PGM2: variants seen among roughly 807,000 people sequenced by gnomAD.
The protein encoded by PGM2 is phosphoglucomutase 2, also known as phosphopentomutase.
A neutral mutation model predicts 74.6 loss-of-function variants in PGM2; 57 were observed. The ratio of observed to expected loss-of-function variants is 0.76; its 90% CI spans 0.62 to 0.95. PGM2 has a LOEUF of 0.95. Ranked by LOEUF, PGM2 falls within the 40% of genes least tolerant of loss-of-function variation. PGM2 has a pLI of 0.00. For synonymous variants in PGM2, 273 were observed against 260.7 expected, an observed-to-expected ratio of 1.05 and a Z score of -0.46; for missense variants, 706 against 741.9, an observed-to-expected ratio of 0.95 and a Z score of 0.56.
rs1711787260 is a variant in PGM2, at chr4:37,861,818, A to G, written c.*206A>G. ...CCCAACAAACTAACATTCCTACTAA[A>G]AAGTTGAGCTTGGACATATTTTGAA... On this transcript the variant is annotated 3_prime_UTR_variant, in exon 14 of 14. Transcript: ENST00000381967. 2 of 429,816 alleles carry G rather than the reference A, an allele frequency of 4.7e-6. No homozygotes were observed. The highest frequency in any genetic ancestry group is 3.5e-5 in the Admixed American group (1 of 28,288). 26.6% of individuals were successfully genotyped at this position (429,816 alleles called of 1,614,324 possible).
In PGM2 at chr4:37,834,700, C is replaced by T. The variant is rs1725521492; in HGVS notation, c.332C>T (p.Pro111Leu). 2 of 1,540,228 alleles carry T rather than the reference C, an allele frequency of 1.3e-6. No individual in the cohort carries two copies. The highest frequency in any genetic ancestry group is 1.4e-5 in the African/African-American group (1 of 72,730). ...ATCAGTTTTGACGCCCGAGCTCATC[C>T]ATCCAGTGGGGGTAGCAGCAGAAGG... ...IVISFDARAHPSSGGSSRRFA... is the reference protein window; with the variant it reads ...IVISFDARAHLSSGGSSRRFA... The change falls in exon 3 of 14, where the codon CCA becomes CTA. Residue 111 changes from proline (P) to leucine (L), a missense_variant. Around this residue, in one of 3 missense-constraint regions of PGM2, gnomAD observed 332 missense variants for 334.9 expected, o/e 0.99. Coordinates refer to ENST00000381967, the MANE Select transcript of PGM2 (RefSeq NM_018290.4).
intron 3 of PGM2, 113 bp from the exon 4 acceptor site, chr4:37,837,416 T>C: frequency 1.3e-6 from 1 of 761,086 alleles, no homozygotes; most frequent in Non-Finnish European, 2.4e-6. Context: ...CTGTCCTTGA[T>C]CTGGATGCTG....
chr4:37,833,361 G>T (rs1394333192), intron 2 of PGM2, among the ~76,000 whole-genome samples: 1 of 152,130 alleles, frequency 6.6e-6, no homozygotes, highest in African/African-American at 2.4e-5. Context: ...ATTGAAACCA[G>T]CCTGGGCAAT....
chr4:37,841,158 TTGTGTGTG>T (rs34512739), intron 6 of PGM2, among the ~76,000 whole-genome samples: 3 of 101,456 alleles, frequency 3.0e-5, no homozygotes, highest in Admixed American at 1.0e-4. Flanking sequence ...ATAGGAATAT[TTGTGTGTG>T]TGTGTGTGTG....
At chr4:37,840,927 C>A (rs1236209825) in intron 6 of PGM2, among the ~76,000 whole-genome samples, 2 of 147,468 alleles carry the variant, frequency 1.4e-5, no homozygotes, top group African/African-American at 4.9e-5. Context: ...GTATGTGATT[C>A]ATACATATTC....
At chr4:37,853,754 TG>T (rs1344617412) in intron 12 of PGM2, among the ~76,000 whole-genome samples, 1 of 152,142 alleles carries the variant, frequency 6.6e-6, no homozygotes, top group Non-Finnish European at 1.5e-5. Flanking sequence ...GGGGCGGAGC[TG>T]GGGGTGTCAG....
Position 37,834,649 on chromosome 4 carries a change from G to C in PGM2, c.281G>C (p.Ser94Thr). 1.9e-6 allele frequency: 3 copies of C among 1,596,618 alleles called. No homozygotes were observed. The highest frequency in any genetic ancestry group is 2.6e-6 in the Non-Finnish European group (3 of 1,166,336). ...TGCAGATACCTGGAAAAACAATTCAGTGACTTAAAGCAGAAAGGCATCGTG... is the reference window on the plus strand; with the variant it reads ...TGCAGATACCTGGAAAAACAATTCACTGACTTAAAGCAGAAAGGCATCGTG... ...GFCRYLEKQF[S>T]DLKQKGIVIS... Residue 94 changes from serine to threonine, a missense_variant, in exon 3 of 14, where the codon AGT becomes ACT. This residue lies in a region of PGM2 where 332 missense variants were observed against 334.9 expected (regional missense o/e 0.99). Transcript: ENST00000381967.
Position 37,850,325 on chromosome 4 carries a change from T to G in PGM2, c.1554T>G (p.Ile518Met). 1 of 1,588,388 alleles carries G rather than the reference T, an allele frequency of 6.3e-7. No homozygotes were observed. The highest frequency in any genetic ancestry group is 8.5e-7 in the Non-Finnish European group (1 of 1,172,756). ...KACGKFEISA[I>M]RDLTTGYDDS... ...GTGGCAAATTTGAAATTTCTGCCAT[T>G]AGGGACCTTACAACTGGCTATGATG... The change falls in exon 12 of 14, where the codon ATT becomes ATG. Residue 518 changes from isoleucine to methionine, a missense_variant. Transcript: ENST00000381967.
At chr4:37,843,448 C>G (rs1324105257) in intron 6 of PGM2, among the ~76,000 whole-genome samples, 1 of 152,078 alleles carries the variant, frequency 6.6e-6, no homozygotes, top group Non-Finnish European at 1.5e-5. Context: ...AAGATTCCAG[C>G]CATCAGAGCA....
chr4:37,841,288 C>T (rs1011726680), intron 6 of PGM2, among the ~76,000 whole-genome samples: 3 of 151,158 alleles, frequency 2.0e-5, no homozygotes, highest in African/African-American at 7.3e-5. Context: ...GCTGCTGCAC[C>T]GGTGTATTTA....
At position 37,846,994 on chromosome 4, in the gene PGM2, A is replaced by G. The variant is rs1008921547; in HGVS notation, c.1071A>G (p.Thr357=). The G allele has an allele frequency of 6.2e-7, 1 of 1,613,706 alleles. No individual in the cohort carries two copies. Among genetic ancestry groups the G allele is most frequent in the Non-Finnish European group, 8.5e-7 (1 of 1,179,792 alleles). The change falls in exon 9 of 14, where the codon ACA becomes ACG. Residue 357 remains threonine (T), a synonymous_variant. Coordinates refer to ENST00000381967, the MANE Select transcript of PGM2 (RefSeq NM_018290.4). ...LGALLGWWLF[T]SWKEKNQDRS... is the part of the protein sequence containing the mutation. The stretch of plus-strand genomic sequence containing the variant: ...CCCTCCTGGGCTGGTGGCTTTTTAC[A>G]TCTTGGAAAGAGAAGAACCAGGATC...
chr4:37,850,599 G>A lies in PGM2; in HGVS notation c.1602+226G>A, dbSNP rs1269789420. 2.6e-5 allele frequency among the ~76,000 whole-genome samples: 4 copies of A among 151,904 alleles called. No homozygotes were observed. In the East Asian group the frequency reaches 5.8e-4, roughly 22 times the overall value. ...GCAAATCACTTGAGATCAGGAGTTC[G>A]AGACCAGCCTGGCCAACACGGCAAA... On this transcript the variant is annotated intron_variant, in intron 12 of 13. Coordinates refer to ENST00000381967, the MANE Select transcript of PGM2 (RefSeq NM_018290.4).
chr4:37,828,129 G>A (rs1266682754), intron 1 of PGM2, among the ~76,000 whole-genome samples: 1 of 152,120 alleles, frequency 6.6e-6, no homozygotes, highest in African/African-American at 2.4e-5. Flanking sequence ...AACTCCTTGG[G>A]GGCGTTTTTC....
intron 11 of PGM2, among the ~76,000 whole-genome samples, chr4:37,849,036 C>T (rs1400697945): frequency 2.7e-5 from 4 of 149,940 alleles, no homozygotes; most frequent in South Asian, 2.1e-4. Flanking sequence ...CGCCATTGCA[C>T]TCCAGCCTGG....
At position 37,839,911 on chromosome 4, in the gene PGM2, A is replaced by G. The variant is rs1279935749; in HGVS notation, c.505A>G (p.Lys169Glu). ...GIMITASHNP[K>E]QDNGYKVYWD... ...CATGATAACTGCATCTCACAATCCA[A>G]AGCAGGATAATGGTTATAAGGTATT... Residue 169 changes from lysine (K) to glutamate (E), a missense_variant, in exon 5 of 14, where the codon AAG (lysine) becomes GAG (glutamate). By Grantham distance (56) the Lys-to-Glu change is moderately conservative. Around this residue, in one of 3 missense-constraint regions of PGM2, gnomAD observed 332 missense variants for 334.9 expected, o/e 0.99. Transcript: ENST00000381967. 2 of 1,600,638 alleles carry G rather than the reference A, an allele frequency of 1.2e-6. No individual in the cohort carries two copies. The highest frequency in any genetic ancestry group is 1.7e-6 in the Non-Finnish European group (2 of 1,167,708).
Position 37,828,497 on chromosome 4 carries a change from C to T in PGM2, c.82-1467C>T, listed in dbSNP as rs550064530. On this transcript the variant is annotated intron_variant, in intron 1 of 13. Transcript: ENST00000381967. ...AGCCCTCTAGTCAGACTACCCCCGG[C>T]GACTGGCAAGGCGCCCTGGCAGGTG... is the stretch of plus-strand genomic sequence containing the variant. Among the ~76,000 whole-genome samples the T allele has an allele frequency of 3.3e-5, 5 of 152,234 alleles. No homozygotes were observed. The East Asian group carries it at 5.8e-4, about 18-fold the overall frequency.
intron 4 of PGM2, among the ~76,000 whole-genome samples, chr4:37,838,135 C>T (rs1159079447): frequency 6.6e-6 from 1 of 152,192 alleles, no homozygotes; most frequent in Non-Finnish European, 1.5e-5. Flanking sequence ...CCCAGCTTGG[C>T]CTCCGGAAGT....
chr4:37,843,847 G>A (rs1449518730), intron 6 of PGM2, among the ~76,000 whole-genome samples: 5 of 152,030 alleles, frequency 3.3e-5, no homozygotes, highest in African/African-American at 4.8e-5. Context: ...GACCTCACAC[G>A]ATCCACCTGC....
Position 37,855,665 on chromosome 4 carries a change from G to A in PGM2, c.1660G>A (p.Val554Met), listed in dbSNP as rs201099295. Residue 554 changes from valine (V) to methionine (M), a missense_variant, in exon 13 of 14, where the codon GTG becomes ATG. Val to Met is a conservative substitution (Grantham distance 21, BLOSUM62 1). This residue lies in a region of PGM2 where 359 missense variants were observed against 371.1 expected (regional missense o/e 0.97). Coordinates refer to ENST00000381967, the MANE Select transcript of PGM2 (RefSeq NM_018290.4). ...CACCTTCACCTTTGCTAATGGAGGCGTGGCCACCATGCGCACCAGTGGGAC... is the reference window on the plus strand; with the variant it reads ...CACCTTCACCTTTGCTAATGGAGGCATGGCCACCATGCGCACCAGTGGGAC... ...MITFTFANGG[V>M]ATMRTSGTEP... 6.3e-4 allele frequency: 1,016 copies of A among 1,613,454 alleles called. 17 individuals carry two copies. The South Asian group carries it at 9.6e-3, about 15-fold the overall frequency.
Sources: gnomAD v4.1 joint callset for allele counts (sites outside exome capture counted in the v4.1 genomes callset) on GRCh38, gnomAD v4.1.1 for gene constraint, gnomAD v4.1.1 regional missense constraint, MANE v1.5 for transcripts, NCBI Gene and HGNC (gene_info 2026-07-23, HGNC 2026-07-21) for gene names.